The following NELL2 variants were observed in gnomAD, a reference collection of about 807,000 sequenced individuals.
NELL2 encodes the protein neural EGFL like 2.
A neutral mutation model predicts 109.6 loss-of-function variants in NELL2; 41 were observed. The observed-to-expected ratio is 0.37, with a 90% CI of 0.29 to 0.49. The LOEUF (loss-of-function observed/expected upper bound fraction) is 0.49, where lower values mean the gene tolerates loss of function less well. Ranked by LOEUF, NELL2 falls within the 20% of genes least tolerant of loss-of-function variation. NELL2 has a pLI of 0.98. For missense variants in NELL2, 900 were observed against 1,008.3 expected (o/e 0.89, Z 1.45); for synonymous variants, 355 against 344.7 (o/e 1.03, Z -0.33).
intron 3 of NELL2, among the ~76,000 whole-genome samples, chr12:44,806,114 T>C (rs1170698847): frequency 6.6e-6 from 1 of 151,170 alleles, no homozygotes; most frequent in Non-Finnish European, 1.5e-5. Context: ...ATTTAGTACA[T>C]AAAAAAACCA....
chr12:44,574,472 C>T (rs1943994391), intron 15 of NELL2, among the ~76,000 whole-genome samples: 1 of 151,946 alleles, frequency 6.6e-6, no homozygotes, highest in South Asian at 2.1e-4. Context: ...ATATCTATAA[C>T]CCACTTAATA....
chr12:44,624,152 C>A (rs182129759), intron 13 of NELL2, among the ~76,000 whole-genome samples: 1 of 152,146 alleles, frequency 6.6e-6, no homozygotes, highest in African/African-American at 2.4e-5. Flanking sequence ...CAAGAAGCAA[C>A]TGAATGACAA....
intron 13 of NELL2, among the ~76,000 whole-genome samples, chr12:44,663,459 AT>A (rs1947818325): frequency 6.6e-6 from 1 of 152,158 alleles, no homozygotes; most frequent in African/African-American, 2.4e-5. Flanking sequence ...AAAGAAATAC[AT>A]TTTATCATCT....
intron 9 of NELL2, among the ~76,000 whole-genome samples, chr12:44,719,950 A>G (rs1393610209): frequency 6.6e-6 from 1 of 152,146 alleles, no homozygotes. Context: ...AGATTCTGCA[A>G]AGTCAAACAA....
At chr12:44,639,231 G>A (rs1231488699) in intron 13 of NELL2, among the ~76,000 whole-genome samples, 9 of 152,076 alleles carry the variant, frequency 5.9e-5, no homozygotes, top group Admixed American at 2.6e-4. Flanking sequence ...GGTATGCCTA[G>A]AGGAAAAGGT....
chr12:44,620,221 T>C (rs1343683139), intron 13 of NELL2, among the ~76,000 whole-genome samples: 1 of 151,704 alleles, frequency 6.6e-6, no homozygotes, highest in Non-Finnish European at 1.5e-5. Context: ...CTATTGATGG[T>C]GATCATAAAC....
At chr12:44,611,055 A>C (rs1489651998) in intron 13 of NELL2, 85 bp from the exon 14 acceptor site, 2 of 1,382,806 alleles carry the variant, frequency 1.4e-6, no homozygotes, top group Non-Finnish European at 2.0e-6. Context: ...TGGTTATTGC[A>C]TGGTAAATTC....
At chr12:44,906,235 A>G (rs2658952) in intron 1 of NELL2, among the ~76,000 whole-genome samples, 5,295 of 152,144 alleles carry the variant, frequency 0.035, 200 homozygotes, top group African/African-American at 0.085. Context: ...AGGAAGCAGT[A>G]TGCCTGGAGA....
intron 15 of NELL2, among the ~76,000 whole-genome samples, chr12:44,567,120 A>G (rs977643572): frequency 3.3e-5 from 5 of 152,150 alleles, no homozygotes; most frequent in African/African-American, 1.2e-4. Flanking sequence ...TACTATATGC[A>G]TTTTTATCTG....
chr12:44,614,797 C>G (rs1016942309), intron 13 of NELL2, among the ~76,000 whole-genome samples: 3 of 151,986 alleles, frequency 2.0e-5, no homozygotes, highest in African/African-American at 7.2e-5. Flanking sequence ...AAACCAGCTG[C>G]TCTAAAATTC....
intron 12 of NELL2, among the ~76,000 whole-genome samples, chr12:44,685,748 C>A (rs1452653259): frequency 6.6e-6 from 1 of 152,190 alleles, no homozygotes; most frequent in African/African-American, 2.4e-5. Context: ...TTGGCCCCCA[C>A]TCTCTTCTGG....
chr12:44,783,553 T>C (rs34555318), intron 3 of NELL2, among the ~76,000 whole-genome samples: 1,921 of 152,024 alleles, frequency 0.013, 15 homozygotes, highest in Middle Eastern at 0.037. Context: ...AAGGTTAATA[T>C]GGGAATACTA....
intron 13 of NELL2, among the ~76,000 whole-genome samples, chr12:44,627,521 T>C (rs1240709068): frequency 6.6e-6 from 1 of 152,042 alleles, no homozygotes; most frequent in East Asian, 1.9e-4. Context: ...TATTACTTAT[T>C]TCATTTCAAC....
At chr12:44,658,187 T>C (rs1226220504) in intron 13 of NELL2, among the ~76,000 whole-genome samples, 3 of 152,178 alleles carry the variant, frequency 2.0e-5, no homozygotes, top group Non-Finnish European at 4.4e-5. Flanking sequence ...TGGTGTGAGA[T>C]GGTATCTCAT....
At position 44,520,033 on chromosome 12, in the gene NELL2, C is replaced by T; in HGVS notation, c.2372G>A (p.Gly791Asp). ...GCACTGGCAGAGAGTACACTCAGTG[C>T]CATGTTTGATCCAAGAGGACCCGGT... is the stretch of plus-strand genomic sequence containing the variant. ...RFTGSSWIKH[G>D]TECTLCQCKN... The change falls in exon 19 of 20, where the codon GGC (glycine) becomes GAC (aspartate). Residue 791 changes from glycine to aspartate, a missense_variant. Around this residue, in one of 4 missense-constraint regions of NELL2, gnomAD observed 333 missense variants for 432.3 expected, o/e 0.77. Transcript: ENST00000429094. 1.2e-6 allele frequency: 2 copies of T among 1,614,094 alleles called. No homozygotes were observed. Among genetic ancestry groups the T allele is most frequent in the East Asian group, 2.2e-5 (1 of 44,878 alleles).
chr12:44,875,015 GAGTACAA>G, intron 2 of NELL2: 1 of 564,770 alleles, frequency 1.8e-6, no homozygotes, highest in Non-Finnish European at 3.0e-6. Flanking sequence ...GAACTGGCAA[GAGTACAA>G]AGTACGAAGG....
At chr12:44,540,478 T>C (rs1290443014) in intron 15 of NELL2, among the ~76,000 whole-genome samples, 8 of 152,076 alleles carry the variant, frequency 5.3e-5, no homozygotes, top group Non-Finnish European at 2.9e-5. Context: ...TGAAATACCA[T>C]GTAGAGCTGA....
chr12:44,569,938 G>A (rs1291278055), intron 15 of NELL2, among the ~76,000 whole-genome samples: 1 of 151,514 alleles, frequency 6.6e-6, no homozygotes, highest in East Asian at 1.9e-4. Context: ...AACAGGTTGA[G>A]TTAACACAGC....
chr12:44,722,918 G>GT (rs1259524157), intron 9 of NELL2, among the ~76,000 whole-genome samples: 1 of 152,170 alleles, frequency 6.6e-6, no homozygotes, highest in East Asian at 1.9e-4. Context: ...GCCAGGCACA[G>GT]TGGCTCACAC....
Sources: gnomAD v4.1 joint callset for allele counts (sites outside exome capture counted in the v4.1 genomes callset) on GRCh38, gnomAD v4.1.1 for gene constraint, gnomAD v4.1.1 regional missense constraint, MANE v1.5 for transcripts, NCBI Gene and HGNC (gene_info 2026-07-23, HGNC 2026-07-21) for gene names.